KMT2E: variants seen among roughly 807,000 people sequenced by gnomAD.
KMT2E encodes lysine methyltransferase 2E (inactive).
Under a neutral mutation model 184.6 loss-of-function variants are expected in KMT2E, and 30 were observed. The observed-to-expected ratio is 0.16, with a 90% confidence interval of 0.12 to 0.22. The LOEUF is 0.22. Among genes scored for constraint, KMT2E ranks in the 10% least tolerant of loss-of-function variants. The probability of loss-of-function intolerance (pLI) is 1.00; values close to 1 mark genes in which losing one functional copy is unlikely to be tolerated. For missense variants in KMT2E, 2,023 were observed against 2,237.4 expected (o/e 0.90, Z 1.93); for synonymous variants, 815 against 776.5 (o/e 1.05, Z -0.82).
chr7:105,041,618 C>G (rs1236714087), intron 3 of KMT2E, among the ~76,000 whole-genome samples: 1 of 152,160 alleles, frequency 6.6e-6, no homozygotes, highest in African/African-American at 2.4e-5. Context: ...CTAGGCTGGT[C>G]TCGAACTCCT....
chr7:105,061,108 G>A (rs370918932), intron 3 of KMT2E, among the ~76,000 whole-genome samples: 44 of 152,196 alleles, frequency 2.9e-4, no homozygotes, highest in African/African-American at 1.0e-3. Context: ...GGCACACAGC[G>A]CTTACAACAG....
At chr7:105,111,770 C>A in intron 26 of KMT2E, 55 bp from the exon 27 acceptor site, 2 of 1,539,272 alleles carry the variant, frequency 1.3e-6, no homozygotes, top group East Asian at 2.3e-5. Flanking sequence ...CAAGAATAAA[C>A]CTCAAGGTAC....
At chr7:105,076,715 A>C (rs909221036) in intron 9 of KMT2E, among the ~76,000 whole-genome samples, 1 of 152,146 alleles carries the variant, frequency 6.6e-6, no homozygotes. Context: ...AAGGATAACA[A>C]ATTTCTAAAA....
At position 105,107,579 on chromosome 7, in the gene KMT2E, C is replaced by T. The variant is rs149168551; in HGVS notation, c.3122C>T (p.Thr1041Met). 85 of 1,613,956 alleles carry T rather than the reference C, an allele frequency of 5.3e-5. No homozygotes were observed. Among genetic ancestry groups the T allele is most frequent in the Admixed American group, 4.7e-4 (28 of 59,990 alleles). ...ACTGCCCTACATAAAACCCTGGAAA[C>T]GCCTGCACATGACAGGGCTGAGCCC... ...EPTALHKTLE[T>M]PAHDRAEPNS... The change falls in exon 22 of 27, where the codon ACG (threonine) becomes ATG (methionine). Residue 1041 changes from threonine to methionine, a missense_variant. Thr to Met is a moderately conservative substitution (Grantham distance 81). Coordinates refer to ENST00000311117, the MANE Select transcript of KMT2E (RefSeq NM_182931.3).
intron 6 of KMT2E, among the ~76,000 whole-genome samples, chr7:105,072,812 G>A (rs1044618517): frequency 6.6e-6 from 1 of 152,142 alleles, no homozygotes; most frequent in Non-Finnish European, 1.5e-5. Flanking sequence ...CTACTTGGGA[G>A]GCTGAGGCAG....
intron 7 of KMT2E, 38 bp from the exon 8 acceptor site, chr7:105,074,605 A>C (rs368008977): frequency 1.2e-5 from 16 of 1,359,724 alleles, no homozygotes; most frequent in Non-Finnish European, 1.3e-5. Flanking sequence ...TTTAAAATAG[A>C]AGTATTAAAT....
intron 6 of KMT2E, among the ~76,000 whole-genome samples, chr7:105,072,615 T>C (rs1350852452): frequency 4.6e-5 from 7 of 151,638 alleles, no homozygotes; most frequent in African/African-American, 7.3e-5. Flanking sequence ...AGGTAGGGAG[T>C]GGGTAATGAA....
rs768097588 is a variant in KMT2E, at chr7:105,090,158, A to T, written c.1508A>T (p.Asp503Val). The T allele has an allele frequency of 1.7e-5, 28 of 1,613,212 alleles. No individual in the cohort carries two copies. The highest frequency in any genetic ancestry group is 2.1e-5 in the Non-Finnish European group (25 of 1,179,662). Residue 503 changes from aspartate to valine, a missense_variant, in exon 14 of 27, where the codon GAT becomes GTT. This residue lies in a region of KMT2E where 514 missense variants were observed against 621.8 expected (regional missense o/e 0.83). Transcript: ENST00000311117. The stretch of plus-strand genomic sequence containing the variant: ...GACAAAGATATTTCAAAAGAAAAAG[A>T]TACACAAAATCAGAATATTACTTTG... ...KKDKDISKEK[D>V]TQNQNITLDC...
At chr7:105,076,134 T>C in intron 9 of KMT2E, 53 bp downstream of exon 9, 2 of 1,242,764 alleles carry the variant, frequency 1.6e-6, no homozygotes, top group Non-Finnish European at 2.4e-6. Flanking sequence ...ATTCAGGAGC[T>C]ACATGCTTGC....
At chr7:105,045,610 C>G (rs1796071779) in intron 3 of KMT2E, among the ~76,000 whole-genome samples, 1 of 152,178 alleles carries the variant, frequency 6.6e-6, no homozygotes, top group South Asian at 2.1e-4. Context: ...CATGTTATAG[C>G]ATATACCAGA....
intron 1 of KMT2E, among the ~76,000 whole-genome samples, chr7:105,028,609 A>G (rs1342086747): frequency 6.6e-6 from 1 of 152,052 alleles, no homozygotes; most frequent in Non-Finnish European, 1.5e-5. Flanking sequence ...CTTGCACCTC[A>G]GCTTCCCTAG....
intron 6 of KMT2E, among the ~76,000 whole-genome samples, chr7:105,067,389 T>A (rs1384222461): frequency 6.6e-6 from 1 of 151,322 alleles, no homozygotes; most frequent in East Asian, 1.9e-4. Context: ...TTGTTTGTAA[T>A]TTTTTTTTCC....
chr7:105,019,402 A>G (rs777690823), intron 1 of KMT2E, among the ~76,000 whole-genome samples: 1 of 152,100 alleles, frequency 6.6e-6, no homozygotes, highest in Admixed American at 6.5e-5. Context: ...TTACAGTTTT[A>G]TTGGAAATCT....
chr7:105,101,485 G>A lies in KMT2E; in HGVS notation c.1783G>A (p.Glu595Lys). 1 of 1,585,226 alleles carries A rather than the reference G, an allele frequency of 6.3e-7. No homozygotes were observed. Among genetic ancestry groups the A allele is most frequent in the Non-Finnish European group, 8.6e-7 (1 of 1,169,048 alleles). ...LQAFARLEKR[E>K]KRREQALERI... is the part of the protein sequence containing the mutation. ...AGCTTTTGCCAGACTTGAAAAGAGA[G>A]AGAAAAGAAGAGAACAAGCTTTGGA... The change falls in exon 16 of 27, where the codon GAG becomes AAG. Residue 595 changes from glutamate to lysine, a missense_variant. Coordinates refer to ENST00000311117, the MANE Select transcript of KMT2E (RefSeq NM_182931.3).
chr7:105,104,358 T>C (rs1420585184), intron 17 of KMT2E: 1 of 152,112 alleles, frequency 6.6e-6, no homozygotes, highest in Non-Finnish European at 1.5e-5. Flanking sequence ...TCCAAACCCC[T>C]TATATCAGGG....
At chr7:105,016,068 C>A (rs1301386097) in intron 1 of KMT2E, among the ~76,000 whole-genome samples, 1 of 152,094 alleles carries the variant, frequency 6.6e-6, no homozygotes, top group Non-Finnish European at 1.5e-5. Flanking sequence ...TGTTTAGTAA[C>A]TGTATAAGTA....
intron 1 of KMT2E, among the ~76,000 whole-genome samples, chr7:105,037,360 CTTTT>C (rs906984075): frequency 6.6e-6 from 1 of 151,060 alleles, no homozygotes; most frequent in African/African-American, 2.4e-5. Flanking sequence ...TTTTTGTTTT[CTTTT>C]TTTTGTTGTT....
chr7:105,114,859 AG>A lies in KMT2E; in HGVS notation c.*1528del, dbSNP rs546208795. Among the ~76,000 whole-genome samples, 182 of 152,350 alleles carry A rather than the reference AG, an allele frequency of 1.2e-3. 1 individual carries two copies. The highest frequency in any genetic ancestry group is 3.4e-3 in the Middle Eastern group (1 of 294). On this transcript the variant is annotated 3_prime_UTR_variant, in exon 27 of 27. Transcript: ENST00000311117. ...AGCTTCAAATTTTAGAAGAACATAT[AG>A]GCCAAGTTTGCCATCCTCAATTTGT...
At chr7:105,016,348 A>G (rs1039059363) in intron 1 of KMT2E, among the ~76,000 whole-genome samples, 15 of 152,152 alleles carry the variant, frequency 9.9e-5, no homozygotes, top group African/African-American at 2.4e-4. Context: ...GCCTTTAACA[A>G]TCGTCTTACA....
Sources: allele counts gnomAD v4.1 joint callset (sites outside exome capture counted in the v4.1 genomes callset), GRCh38; gene constraint gnomAD v4.1.1; regional missense constraint gnomAD v4.1.1; transcripts MANE v1.5; gene names NCBI Gene and HGNC (gene_info 2026-07-23, HGNC 2026-07-21).